The following PCDHGA6 variants were observed in gnomAD, a reference collection of about 807,000 sequenced individuals.
PCDHGA6 encodes protocadherin gamma-A6.
In PCDHGA6, 41 loss-of-function variants were observed where a neutral mutation model predicts 60.6. That is an observed-to-expected ratio of 0.68 (90% CI 0.53 to 0.88). The LOEUF is 0.88. Ranked by LOEUF, PCDHGA6 falls within the 40% of genes least tolerant of loss-of-function variation. PCDHGA6 has a pLI of 0.00. For missense variants in PCDHGA6, 1,312 were observed against 1,203.0 expected (o/e 1.09, Z -1.34); for synonymous variants, 594 against 524.4 (o/e 1.13, Z -1.81).
intron 1 of PCDHGA6, chr5:141,414,424 G>C (rs762669763): frequency 1.2e-6 from 2 of 1,613,846 alleles, no homozygotes; most frequent in Non-Finnish European, 1.7e-6. Context: ...CCTTGACAGG[G>C]AACAGGTATC....
chr5:141,510,291 A>AG (rs903726285), intron 3 of PCDHGA6, among the ~76,000 whole-genome samples: 1 of 150,450 alleles, frequency 6.6e-6, no homozygotes, highest in African/African-American at 2.4e-5. Context: ...AAAAAAAAAA[A>AG]TGCTGTTTTG....
chr5:141,510,847 AG>A, intron 3 of PCDHGA6, 99 bp from the exon 4 acceptor site: 3 of 1,595,350 alleles, frequency 1.9e-6, no homozygotes, highest in Non-Finnish European at 2.6e-6. Context: ...GTCAAGGCCC[AG>A]GGTGCTGTAT....
In PCDHGA6 at chr5:141,389,898, GA is replaced by G. The variant is rs916636012; in HGVS notation, c.2424+13392del. ...CGACAGCTTGCAGGAGGTGCTGCCGGATATCACTGACCGCCCCGACCCCTCT... is the reference window on the plus strand; with the variant it reads ...CGACAGCTTGCAGGAGGTGCTGCCGGTATCACTGACCGCCCCGACCCCTCT... On this transcript the variant is annotated intron_variant, in intron 1 of 3. Coordinates refer to ENST00000517434, the MANE Select transcript of PCDHGA6 (RefSeq NM_018919.3). 3.1e-6 allele frequency: 5 copies of G among 1,613,952 alleles called. No homozygotes were observed. In the African/African-American group the frequency reaches 5.3e-5, roughly 17 times the overall value.
Position 141,375,961 on chromosome 5 carries a change from G to A in PCDHGA6, c.1878G>A (p.Val626=). The part of the protein sequence containing the change: ...LFSVGLHTGE[V]RTARALLDRD... ...CAGTGGGCCTGCACACGGGCGAGGT[G>A]CGCACGGCGCGCGCCCTGCTGGACA... Residue 626 remains valine (V), a synonymous_variant, in exon 1 of 4, where the codon GTG becomes GTA. Transcript: ENST00000517434. 6.2e-7 allele frequency: 1 copy of A among 1,613,370 alleles called. No homozygotes were observed. The highest frequency in any genetic ancestry group is 8.5e-7 in the Non-Finnish European group (1 of 1,179,890).
intron 1 of PCDHGA6, chr5:141,405,325 G>A: frequency 5.6e-6 from 9 of 1,614,170 alleles, no homozygotes; most frequent in African/African-American, 1.3e-5. Context: ...ATGAGCCTTT[G>A]TGCGTCTCTG....
chr5:141,498,509 C>T (rs2099784058), intron 2 of PCDHGA6, among the ~76,000 whole-genome samples: 1 of 151,740 alleles, frequency 6.6e-6, no homozygotes, highest in East Asian at 1.9e-4. Flanking sequence ...TCCCTCCCCA[C>T]CATCTTGCCC....
intron 1 of PCDHGA6, chr5:141,386,063 G>A (rs2090447648): frequency 6.6e-6 from 1 of 152,220 alleles, no homozygotes; most frequent in South Asian, 2.1e-4. Flanking sequence ...GAGAATTCCA[G>A]TATGTTGTTT....
At chr5:141,385,227 A>G (rs781548290) in intron 1 of PCDHGA6, 1 of 1,614,220 alleles carries the variant, frequency 6.2e-7, no homozygotes, top group South Asian at 1.1e-5. Context: ...CCAACTATGT[A>G]GACATGCTCA....
At chr5:141,414,921 G>T (rs746806079) in intron 1 of PCDHGA6, 22 of 1,613,992 alleles carry the variant, frequency 1.4e-5, no homozygotes, top group East Asian at 4.5e-5. Context: ...TGGAGCTGGC[G>T]CCCCGCTCCG....
At chr5:141,418,423 T>G (rs1469880702) in intron 1 of PCDHGA6, 1 of 1,613,868 alleles carries the variant, frequency 6.2e-7, no homozygotes. Flanking sequence ...ATCCTGATGG[T>G]GGCAAATATC....
At chr5:141,449,273 C>T (rs1168190907) in intron 1 of PCDHGA6, among the ~76,000 whole-genome samples, 1 of 151,982 alleles carries the variant, frequency 6.6e-6, no homozygotes, top group Non-Finnish European at 1.5e-5. Flanking sequence ...ACTGTATCTC[C>T]TTCACCCGGA....
chr5:141,403,052 T>G (rs1336291522), intron 1 of PCDHGA6: 4 of 1,614,066 alleles, frequency 2.5e-6, no homozygotes, highest in Admixed American at 1.7e-5. Context: ...GATTCGCTAC[T>G]CAGTGCCTGA....
chr5:141,468,505 C>A (rs1293623271), intron 1 of PCDHGA6: 1 of 152,020 alleles, frequency 6.6e-6, no homozygotes, highest in East Asian at 1.9e-4. Context: ...TTCATGTGGA[C>A]AAATTTAGTA....
chr5:141,399,488 TAGTC>T (rs778579612), intron 1 of PCDHGA6: 12 of 1,613,904 alleles, frequency 7.4e-6, no homozygotes, highest in Admixed American at 1.7e-5. Flanking sequence ...GCGTCCTACT[TAGTC>T]AGTGTACCCG....
At chr5:141,496,583 C>A (rs990137003) in intron 2 of PCDHGA6, among the ~76,000 whole-genome samples, 1 of 152,168 alleles carries the variant, frequency 6.6e-6, no homozygotes, top group African/African-American at 2.4e-5. Flanking sequence ...TTTAGGAACG[C>A]AAAGCGCTTC....
intron 1 of PCDHGA6, chr5:141,415,379 G>T: frequency 3.7e-6 from 6 of 1,614,250 alleles, no homozygotes; most frequent in Non-Finnish European, 3.4e-6. Flanking sequence ...TCAGGAGGCG[G>T]CTTGACAGGT....
At chr5:141,420,770 T>G (rs1485978181) in intron 1 of PCDHGA6, among the ~76,000 whole-genome samples, 1 of 152,202 alleles carries the variant, frequency 6.6e-6, no homozygotes, top group Non-Finnish European at 1.5e-5. Flanking sequence ...AGTTTTCAGC[T>G]CCAGTAATAT....
Position 141,477,934 on chromosome 5 carries a change from C to T in PCDHGA6, c.2425-16873C>T. Reference sequence around the variant, plus strand: ...CGGATGCAGGGCACAATGCCTGGCTCTCCTACAGTCTCTTGGGATCCCCTA... The same window carrying T: ...CGGATGCAGGGCACAATGCCTGGCTTTCCTACAGTCTCTTGGGATCCCCTA... On this transcript the variant is annotated intron_variant, in intron 1 of 3. Coordinates refer to ENST00000517434, the MANE Select transcript of PCDHGA6 (RefSeq NM_018919.3). This position sits in a 1 kb window ranked among gnomAD's most constrained non-coding sequence, Gnocchi z 4.9. 3.1e-6 allele frequency: 5 copies of T among 1,614,204 alleles called. No individual in the cohort carries two copies. The highest frequency in any genetic ancestry group is 4.2e-6 in the Non-Finnish European group (5 of 1,180,036).
intron 1 of PCDHGA6, chr5:141,389,006 C>T (rs1238735616): frequency 1.2e-6 from 2 of 1,613,868 alleles, no homozygotes. Flanking sequence ...ACAAGGATTC[C>T]AGACACAATG....
Sources: allele counts gnomAD v4.1 joint callset (sites outside exome capture counted in the v4.1 genomes callset), GRCh38; gene constraint gnomAD v4.1.1; non-coding constraint Gnocchi (gnomAD v3.1); transcripts MANE v1.5; gene names NCBI Gene and HGNC (gene_info 2026-07-23, HGNC 2026-07-21).